FGD5: variants seen among roughly 807,000 people sequenced by gnomAD.
FGD5 encodes the protein FYVE, RhoGEF and PH domain-containing protein 5.
A neutral mutation model predicts 133.4 loss-of-function variants in FGD5; 28 were observed. That is an observed-to-expected ratio of 0.21 (90% confidence interval 0.16 to 0.29). The LOEUF (loss-of-function observed/expected upper bound fraction) is 0.29. Among genes scored for constraint, FGD5 ranks in the 10% least tolerant of loss-of-function variants. The pLI, the probability that FGD5 is intolerant of heterozygous loss-of-function variation, is 1.00. For synonymous variants in FGD5, 810 were observed against 776.5 expected (o/e 1.04, Z -0.72); for missense variants, 1,858 against 1,895.2 (o/e 0.98, Z 0.36).
intron 1 of FGD5, among the ~76,000 whole-genome samples, chr3:14,823,550 C>G (rs2036544965): frequency 2.0e-5 from 3 of 152,194 alleles, no homozygotes; most frequent in Admixed American, 1.3e-4. Context: ...GAGGAAACTT[C>G]AGACACAAGT....
chr3:14,838,265 T>C (rs1436721456), intron 1 of FGD5, among the ~76,000 whole-genome samples: 1 of 152,184 alleles, frequency 6.6e-6, no homozygotes, highest in African/African-American at 2.4e-5. Context: ...TTTCTCGTGC[T>C]CTGAATCTGA....
chr3:14,810,729 C>G (rs1575180930), upstream of FGD5: 3 of 876,546 alleles, frequency 3.4e-6, no homozygotes, highest in Non-Finnish European at 4.1e-6. Flanking sequence ...GCGCCGGGGC[C>G]GGGCGGGCGC....
At chr3:14,810,796 C>G, upstream of FGD5, 1 of 984,190 alleles carries the variant, frequency 1.0e-6, no homozygotes, top group Non-Finnish European at 1.2e-6. Context: ...CGGAGTCGCA[C>G]TGGGACCCGC....
At chr3:14,834,851 A>G (rs532962798) in intron 1 of FGD5, among the ~76,000 whole-genome samples, 36 of 152,336 alleles carry the variant, frequency 2.4e-4, no homozygotes, top group African/African-American at 8.7e-4. Context: ...CTATTTTACA[A>G]GAACGGAAAT....
chr3:14,890,787 T>C (rs2038011991), intron 4 of FGD5, among the ~76,000 whole-genome samples: 1 of 152,250 alleles, frequency 6.6e-6, no homozygotes, highest in Admixed American at 6.5e-5. Context: ...TTAAGCTCCC[T>C]GGAGAGTGTT....
rs762092474 is a variant in FGD5, at chr3:14,820,074, A to G, written c.1003A>G (p.Met335Val). 8 of 1,613,894 alleles carry G rather than the reference A, an allele frequency of 5.0e-6. No homozygotes were observed. The Admixed American group carries it at 8.3e-5, about 17-fold the overall frequency. The change falls in exon 1 of 20, where the codon ATG becomes GTG. Residue 335 changes from methionine to valine, a missense_variant. Transcript: ENST00000285046. ...GATTGTCCCTTTTGAGAATGACTGCATGGAGGACTTCGTGACTTCCCTCAC... is the reference window on the plus strand; with the variant it reads ...GATTGTCCCTTTTGAGAATGACTGCGTGGAGGACTTCGTGACTTCCCTCAC... ...CQIVPFENDC[M>V]EDFVTSLTGS... is the part of the protein sequence containing the mutation.
In FGD5 at chr3:14,838,534, A is replaced by G. The variant is rs990912845; in HGVS notation, c.2525+16938A>G. ...TGATTCAGGTCTATCCCAAATGCAA[A>G]ATATATTCAGTCCATCCCAAGGTCC... On this transcript the variant is annotated intron_variant, in intron 1 of 19. Transcript: ENST00000285046. Among the ~76,000 whole-genome samples the G allele has an allele frequency of 2.6e-5, 4 of 152,224 alleles. No individual in the cohort carries two copies. In the East Asian group the frequency reaches 7.7e-4, roughly 29 times the overall value.
intron 1 of FGD5, among the ~76,000 whole-genome samples, chr3:14,856,550 A>C (rs971097058): frequency 1.3e-5 from 2 of 151,762 alleles, no homozygotes; most frequent in Non-Finnish European, 2.9e-5. Context: ...TTTTTTCATC[A>C]GTGTTTTATG....
At chr3:14,817,184 T>A (rs1389028181), upstream of FGD5, among the ~76,000 whole-genome samples, 2 of 152,220 alleles carry the variant, frequency 1.3e-5, no homozygotes, top group Non-Finnish European at 2.9e-5. Context: ...CAATAAAATA[T>A]ATCGTTAAAA....
intron 6 of FGD5, among the ~76,000 whole-genome samples, chr3:14,898,489 G>A (rs906813807): frequency 1.3e-5 from 2 of 152,194 alleles, no homozygotes; most frequent in Non-Finnish European, 1.5e-5. Context: ...TAAGAGCAGG[G>A]CAGGGACTAG....
intron 1 of FGD5, among the ~76,000 whole-genome samples, chr3:14,823,989 A>G (rs983091119): frequency 3.3e-5 from 5 of 152,354 alleles, no homozygotes; most frequent in East Asian, 3.9e-4. Flanking sequence ...CTTTCTTTGC[A>G]TTAGCTCACG....
chr3:14,911,318 G>A (rs184025152), intron 11 of FGD5, among the ~76,000 whole-genome samples: 59 of 152,282 alleles, frequency 3.9e-4, no homozygotes, highest in South Asian at 1.5e-3. Context: ...TTTCTCTACT[G>A]TGCAGGAGAC....
chr3:14,882,983 TGAG>T (rs1236912999), intron 4 of FGD5, among the ~76,000 whole-genome samples: 1 of 152,148 alleles, frequency 6.6e-6, no homozygotes, highest in Non-Finnish European at 1.5e-5. Context: ...TGTCCAGTGA[TGAG>T]GAGGAGCTGA....
At chr3:14,853,282 G>A (rs990649741) in intron 1 of FGD5, among the ~76,000 whole-genome samples, 4 of 152,170 alleles carry the variant, frequency 2.6e-5, no homozygotes, top group Middle Eastern at 3.2e-3. Flanking sequence ...AGGGGTGAAG[G>A]ATTCAGCAAA....
intron 1 of FGD5, among the ~76,000 whole-genome samples, chr3:14,843,706 G>GTTTA (rs2036970452): frequency 9.0e-5 from 4 of 44,290 alleles, no homozygotes; most frequent in Non-Finnish European, 1.8e-4. Context: ...TTTTTTTTGG[G>GTTTA]GGGAGACAGA....
chr3:14,916,159 A>G (rs576684919), intron 11 of FGD5, among the ~76,000 whole-genome samples: 3 of 152,328 alleles, frequency 2.0e-5, no homozygotes, highest in South Asian at 4.1e-4. Flanking sequence ...TTGGTCACAT[A>G]TAGAGAGGGC....
intron 2 of FGD5, among the ~76,000 whole-genome samples, chr3:14,866,907 T>C (rs1356910085): frequency 6.7e-6 from 1 of 149,904 alleles, no homozygotes; most frequent in Non-Finnish European, 1.5e-5. Flanking sequence ...GGAGCATCCA[T>C]CCGGTCATCC....
rs758570732 is a variant in FGD5 at position 14,898,767 on chromosome 3, C to T, written c.3095C>T (p.Ala1032Val). The change falls in exon 7 of 20, where the codon GCG becomes GTG. Residue 1032 changes from alanine (A) to valine (V), a missense_variant. Ala to Val is a moderately conservative substitution (Grantham distance 64). Around this residue, in one of 3 missense-constraint regions of FGD5, gnomAD observed 1,824 missense variants for 1,848.9 expected, o/e 0.99. Transcript: ENST00000285046. ...EQSVQGGSQT[A>V]KHRLLRVVQR... ...AGTGTACAAGGAGGCAGCCAGACTG[C>T]GAAGCATCGGCTGCTGCGGGTGGTT... 6.9e-6 allele frequency: 11 copies of T among 1,587,224 alleles called. No homozygotes were observed. Among genetic ancestry groups the T allele is most frequent in the Middle Eastern group, 1.7e-4 (1 of 6,054 alleles).
At chr3:14,844,373 T>G (rs747623) in intron 1 of FGD5, among the ~76,000 whole-genome samples, 95,971 of 145,588 alleles carry the variant, frequency 0.66, 31,998 homozygotes, top group African/African-American at 0.74. Context: ...GCACTCCCAG[T>G]TTCCCCCTTA....
Sources: allele counts gnomAD v4.1 joint callset (sites outside exome capture counted in the v4.1 genomes callset), GRCh38; gene constraint gnomAD v4.1.1; regional missense constraint gnomAD v4.1.1; transcripts MANE v1.5; gene names NCBI Gene and HGNC (gene_info 2026-07-23, HGNC 2026-07-21).